ESD: variants seen among roughly 807,000 people sequenced by gnomAD.
The protein encoded by ESD is S-formylglutathione hydrolase.
In ESD, 34 loss-of-function variants were observed where a neutral mutation model predicts 38.1. The observed-to-expected ratio is 0.89, with a 90% CI of 0.68 to 1.19. The LOEUF is 1.19. ESD is among the 50% of genes most tolerant of loss of function. The pLI, the probability that ESD is intolerant of heterozygous loss-of-function variation, is 0.00. For missense variants in ESD, 334 were observed against 327.2 expected, an observed-to-expected ratio of 1.02 and a Z score of -0.16; for synonymous variants, 97 against 107.0, an observed-to-expected ratio of 0.91 and a Z score of 0.58.
intron 9 of ESD, among the ~76,000 whole-genome samples, chr13:46,772,181 G>A (rs1874629864): frequency 6.6e-6 from 1 of 152,092 alleles, no homozygotes; most frequent in Non-Finnish European, 1.5e-5. Context: ...TGTCATTAAG[G>A]CCTGACATCC....
chr13:46,775,711 GA>G, intron 9 of ESD: 1 of 467,718 alleles, frequency 2.1e-6, no homozygotes, highest in Non-Finnish European at 4.4e-6. Context: ...AAAGTGAATA[GA>G]AAATTGCACC....
chr13:46,797,380 G>A (rs576116740), upstream of ESD: 1 of 152,518 alleles, frequency 6.6e-6, no homozygotes, highest in Non-Finnish European at 1.5e-5. Flanking sequence ...TAGGACCAAC[G>A]AGGAGGGCGT....
chr13:46,774,766 T>G (rs1270586228), intron 9 of ESD, among the ~76,000 whole-genome samples: 1 of 152,210 alleles, frequency 6.6e-6, no homozygotes, highest in Non-Finnish European at 1.5e-5. Flanking sequence ...TTATTAAATC[T>G]CTTCAGTGTA....
chr13:46,781,360 T>TCAAA (rs1874993119), intron 7 of ESD, 136 bp downstream of exon 7: 1 of 689,432 alleles, frequency 1.5e-6, no homozygotes, highest in Admixed American at 3.6e-5. Flanking sequence ...TACCCACCCT[T>TCAAA]CAAACACCCC....
At chr13:46,776,837 G>A (rs1429527352) in intron 9 of ESD, 1 of 151,882 alleles carries the variant, frequency 6.6e-6, no homozygotes, top group Non-Finnish European at 1.5e-5. Flanking sequence ...TGAAGCTTAT[G>A]AATTTTTCTT....
chr13:46,781,428 CTT>C (rs1341818147), intron 7 of ESD, 66 bp downstream of exon 7: 6 of 1,403,022 alleles, frequency 4.3e-6, no homozygotes, highest in Non-Finnish European at 5.8e-6. Flanking sequence ...TAATTTTACT[CTT>C]TGAAGGTTCC....
In ESD at chr13:46,771,518, A is replaced by G. The variant is rs767019716; in HGVS notation, c.769-22T>C. ...AACCCTAGAAGATAAAGAGATGATA[A>G]GACATTTATCTACCATTCAGGAACA... On this transcript the variant is annotated intron_variant, in intron 9 of 9. Transcript: ENST00000378720. 14 of 1,460,294 alleles carry G rather than the reference A, an allele frequency of 9.6e-6. No individual in the cohort carries two copies. The East Asian group carries it at 3.0e-4, about 31-fold the overall frequency. The allele number at this position is 1,460,294 out of a possible 1,614,324, so 90.5% of individuals were successfully genotyped here. A position where few individuals can be genotyped will look rare whatever the true frequency, so the allele number is the denominator to read the frequency against.
intron 8 of ESD, among the ~76,000 whole-genome samples, chr13:46,778,273 T>C (rs1004390196): frequency 3.3e-5 from 5 of 151,842 alleles, no homozygotes; most frequent in African/African-American, 9.7e-5. Flanking sequence ...AATATTCTTA[T>C]TCATATATAT....
At chr13:46,786,514 T>C (rs533534772) in intron 4 of ESD, among the ~76,000 whole-genome samples, 1 of 152,138 alleles carries the variant, frequency 6.6e-6, no homozygotes, top group South Asian at 2.1e-4. Context: ...GTAGTTAATA[T>C]GAAACACTGA....
At chr13:46,793,182 CA>C (rs1338347782) in intron 2 of ESD, among the ~76,000 whole-genome samples, 1 of 151,654 alleles carries the variant, frequency 6.6e-6, no homozygotes, top group Non-Finnish European at 1.5e-5. Flanking sequence ...AATTACAAAT[CA>C]AAAAAATATG....
intron 1 of ESD, among the ~76,000 whole-genome samples, chr13:46,795,159 T>C (rs568671328): frequency 2.0e-4 from 30 of 152,308 alleles, no homozygotes; most frequent in African/African-American, 7.2e-4. Flanking sequence ...TACCTTCTTT[T>C]TGAATTCCCA....
upstream of ESD, chr13:46,797,287 G>C (rs1054052184): frequency 6.5e-6 from 1 of 152,876 alleles, no homozygotes; most frequent in African/African-American, 2.4e-5. Flanking sequence ...CGCCGCCTTT[G>C]CACATTGCAC....
At chr13:46,780,410 C>A (rs1874958203) in intron 7 of ESD, among the ~76,000 whole-genome samples, 1 of 151,732 alleles carries the variant, frequency 6.6e-6, no homozygotes, top group African/African-American at 2.4e-5. Flanking sequence ...GTTACTAAAT[C>A]TGACACATTT....
chr13:46,779,967 C>A lies in ESD; in HGVS notation c.568G>T (p.Gly190Ter). Residue 190 changes from glycine (G) to a stop codon, truncating the protein, a stop_gained, in exon 8 of 10, where the codon GGA becomes TGA. Coordinates refer to ENST00000378720, the MANE Select transcript of ESD (RefSeq NM_001984.2). LOFTEE classifies it high-confidence loss of function. ...TTACTTTGATCTGTTCCCAAATATC[C>A]ACTAAAGGCTTTTTTGCCCCAGGGA... is the stretch of plus-strand genomic sequence containing the variant. ...LCPWGKKAFS[G>*]YLGTDQSKWK... 1 of 1,605,684 alleles carries A rather than the reference C, an allele frequency of 6.2e-7. No individual in the cohort carries two copies. Among genetic ancestry groups the A allele is most frequent in the Non-Finnish European group, 8.5e-7 (1 of 1,174,484 alleles).
At chr13:46,796,702 G>A (rs1481231736) in intron 1 of ESD, among the ~76,000 whole-genome samples, 3 of 152,228 alleles carry the variant, frequency 2.0e-5, no homozygotes, top group South Asian at 4.1e-4. Flanking sequence ...ACCAGGCGCC[G>A]GCGGCCGCTA....
chr13:46,781,670 T>G, intron 6 of ESD, 55 bp from the exon 7 acceptor site: 1 of 1,506,026 alleles, frequency 6.6e-7, no homozygotes, highest in South Asian at 1.2e-5. Context: ...AGTTCAGACA[T>G]TTCAAAGTTA....
chr13:46,781,485 G>C lies in ESD; in HGVS notation c.501+11C>G, dbSNP rs1874997515. The C allele has an allele frequency of 2.5e-6, 4 of 1,580,556 alleles. No individual in the cohort carries two copies. The highest frequency in any genetic ancestry group is 1.9e-5 in the Admixed American group (1 of 53,394). ...AGAAATATTTATCACTAGAAGTTTA[G>C]ATAATCTTACTTTGTATTTTCCAGG... is the stretch of plus-strand genomic sequence containing the variant. On this transcript the variant is annotated intron_variant, in intron 7 of 9. Transcript: ENST00000378720.
In ESD at chr13:46,781,471, T is replaced by A. The variant is rs750735485; in HGVS notation, c.501+25A>T. The A allele has an allele frequency of 5.1e-6, 8 of 1,554,708 alleles. No individual in the cohort carries two copies. In the East Asian group the frequency reaches 1.8e-4, roughly 35 times the overall value. ...TTATGTTATTCAAGAGAAATATTTA[T>A]CACTAGAAGTTTAGATAATCTTACT... On this transcript the variant is annotated intron_variant, in intron 7 of 9. Coordinates refer to ENST00000378720, the MANE Select transcript of ESD (RefSeq NM_001984.2).
intron 9 of ESD, chr13:46,776,004 G>T: frequency 4.6e-6 from 1 of 216,184 alleles, no homozygotes; most frequent in East Asian, 1.3e-4. Flanking sequence ...CTTTGGGGAA[G>T]CAAATGAGGT....
Sources: allele counts gnomAD v4.1 joint callset (sites outside exome capture counted in the v4.1 genomes callset), GRCh38; gene constraint gnomAD v4.1.1; transcripts MANE v1.5; gene names NCBI Gene and HGNC (gene_info 2026-07-23, HGNC 2026-07-21).